The following KIF13A variants were observed in gnomAD, a reference collection of about 807,000 sequenced individuals.
KIF13A encodes kinesin-like protein KIF13A.
In KIF13A, 79 loss-of-function variants were observed where a neutral mutation model predicts 212.2. That is an observed-to-expected ratio of 0.37 (90% CI 0.31 to 0.45). The LOEUF (loss-of-function observed/expected upper bound fraction) is 0.45. KIF13A is among the 20% of genes least tolerant of loss of function. The pLI, the probability that KIF13A is intolerant of heterozygous loss-of-function variation, is 1.00. For synonymous variants in KIF13A, 789 were observed against 808.6 expected (o/e 0.98, Z 0.41); for missense variants, 1,901 against 2,209.0 (o/e 0.86, Z 2.79).
At position 17,918,443 on chromosome 6, in the gene KIF13A, T is replaced by C. The variant is rs1231334443; in HGVS notation, c.147-20263A>G. ...TACTACTACAGAAAAATGATTATTT[T>C]ATGTCTGTTAACTACTAATTTGGAG... On this transcript the variant is annotated intron_variant, in intron 2 of 38. Transcript: ENST00000259711. This position sits in a 1 kb window ranked among gnomAD's most constrained non-coding sequence, Gnocchi z 4.8. Among the ~76,000 whole-genome samples, 1 of 152,218 alleles carries C rather than the reference T, an allele frequency of 6.6e-6. No individual in the cohort carries two copies. The highest frequency in any genetic ancestry group is 1.5e-5 in the Non-Finnish European group (1 of 68,036).
chr6:17,775,753 T>A (rs149471706), intron 34 of KIF13A, among the ~76,000 whole-genome samples: 1 of 152,236 alleles, frequency 6.6e-6, no homozygotes, highest in African/African-American at 2.4e-5. Flanking sequence ...GGTCTCGCTA[T>A]GTTGCCCAGG....
chr6:17,874,554 A>G (rs1770328615), intron 3 of KIF13A, among the ~76,000 whole-genome samples: 1 of 151,978 alleles, frequency 6.6e-6, no homozygotes, highest in Admixed American at 6.6e-5. Context: ...TCCTGCCTTC[A>G]GCCTCCTGGG....
At chr6:17,775,981 C>A (rs913604215) in intron 34 of KIF13A, among the ~76,000 whole-genome samples, 1 of 152,050 alleles carries the variant, frequency 6.6e-6, no homozygotes, top group Admixed American at 6.6e-5. Context: ...TGGGTTCAAG[C>A]GATTCTCCTG....
chr6:17,985,995 A>C (rs1192389344), intron 2 of KIF13A, among the ~76,000 whole-genome samples: 1 of 152,158 alleles, frequency 6.6e-6, no homozygotes, highest in Non-Finnish European at 1.5e-5. Context: ...AATTTGGCAA[A>C]ACTGAGCTTG....
In KIF13A at chr6:17,829,529, C is replaced by A. The variant is rs1248857606; in HGVS notation, c.1402-1159G>T. ...CGTCCAATACAGTAAACACACTGCA[C>A]CTGGCCTCATGTGATTTTAAGTACC... is the stretch of plus-strand genomic sequence containing the variant. On this transcript the variant is annotated intron_variant, in intron 13 of 38. Transcript: ENST00000259711. This position sits in a 1 kb window ranked among gnomAD's most constrained non-coding sequence, Gnocchi z 5.4. 6.6e-6 allele frequency among the ~76,000 whole-genome samples: 1 copy of A among 152,140 alleles called. No individual in the cohort carries two copies. Among genetic ancestry groups the A allele is most frequent in the Admixed American group, 6.6e-5 (1 of 15,266 alleles).
rs1483131194 is a variant in KIF13A at position 17,975,546 on chromosome 6, AG to A, written c.146+11507del. Among the ~76,000 whole-genome samples the A allele has an allele frequency of 2.7e-3, 411 of 152,078 alleles. 3 individuals are homozygous for A. The highest frequency in any genetic ancestry group is 9.3e-3 in the African/African-American group (383 of 41,364). ...AACATAATTCATTGCAAAGACCAAA[AG>A]AAAAAAAAGCTTCCAGTACAGAACA... On this transcript the variant is annotated intron_variant, in intron 2 of 38. Transcript: ENST00000259711.
intron 16 of KIF13A, among the ~76,000 whole-genome samples, chr6:17,824,760 C>CAAAAAAAA (rs1234476186): frequency 2.0e-5 from 1 of 48,804 alleles, no homozygotes; most frequent in Non-Finnish European, 3.7e-5. Flanking sequence ...GACTCCGTCT[C>CAAAAAAAA]AAAAAAAAAA....
chr6:17,960,360 G>C (rs1440301483), intron 2 of KIF13A, among the ~76,000 whole-genome samples: 1 of 152,180 alleles, frequency 6.6e-6, no homozygotes, highest in East Asian at 1.9e-4. Flanking sequence ...AATGTTTGTT[G>C]ACTAAACTTA....
At chr6:17,906,214 C>G (rs980538905) in intron 2 of KIF13A, among the ~76,000 whole-genome samples, 3 of 152,144 alleles carry the variant, frequency 2.0e-5, no homozygotes, top group African/African-American at 7.2e-5. Flanking sequence ...GACATGCCAC[C>G]AAGTTTGTTT....
At chr6:17,974,994 C>G (rs1780182833) in intron 2 of KIF13A, among the ~76,000 whole-genome samples, 1 of 152,150 alleles carries the variant, frequency 6.6e-6, no homozygotes, top group Non-Finnish European at 1.5e-5. Flanking sequence ...TAGACTAGTT[C>G]TCAAAGCTTG....
chr6:17,939,469 A>G (rs535681356), intron 2 of KIF13A, among the ~76,000 whole-genome samples: 2 of 152,204 alleles, frequency 1.3e-5, no homozygotes, highest in Non-Finnish European at 2.9e-5. Context: ...GAATCTGACC[A>G]TTCTGTCGGA....
At chr6:17,823,037 CTTTT>C (rs10708452) in intron 16 of KIF13A, among the ~76,000 whole-genome samples, 1 of 145,108 alleles carries the variant, frequency 6.9e-6, no homozygotes, top group Non-Finnish European at 1.5e-5. Context: ...TGGTTCTATA[CTTTT>C]TTTTTTTTTT....
intron 4 of KIF13A, among the ~76,000 whole-genome samples, chr6:17,869,925 G>A (rs1666652043): frequency 6.6e-6 from 1 of 152,146 alleles, no homozygotes; most frequent in South Asian, 2.1e-4. Flanking sequence ...CAGGAAATAT[G>A]TGCTTCCCCT....
chr6:17,810,775 T>A (rs1763365204), intron 17 of KIF13A, among the ~76,000 whole-genome samples: 1 of 152,192 alleles, frequency 6.6e-6, no homozygotes, highest in African/African-American at 2.4e-5. Context: ...ATCTCTCGCA[T>A]GTACAGTTCA....
At chr6:17,983,105 G>A (rs146700495) in intron 2 of KIF13A, among the ~76,000 whole-genome samples, 10,877 of 150,410 alleles carry the variant, frequency 0.072, 455 homozygotes, top group Middle Eastern at 0.12. Context: ...CCCAGGAGGC[G>A]GAGGTTGCAG....
At chr6:17,909,536 GA>G (rs1210023829) in intron 2 of KIF13A, among the ~76,000 whole-genome samples, 182 of 93,962 alleles carry the variant, frequency 1.9e-3, no homozygotes, top group African/African-American at 4.7e-3. Context: ...CTCTGTCTCA[GA>G]AAAAAAAAAA....
intron 4 of KIF13A, among the ~76,000 whole-genome samples, chr6:17,868,156 C>G (rs956208660): frequency 6.6e-6 from 1 of 152,240 alleles, no homozygotes; most frequent in African/African-American, 2.4e-5. Flanking sequence ...AGTTTAGAAT[C>G]TCTCAGGCCA....
rs1057021797 is a variant in KIF13A, at chr6:17,837,155, A to G, written c.943-65T>C. 3 of 1,351,116 alleles carry G rather than the reference A, an allele frequency of 2.2e-6. No individual in the cohort carries two copies. The highest frequency in any genetic ancestry group is 2.1e-6 in the Non-Finnish European group (2 of 949,878). 83.7% of individuals were successfully genotyped at this position (1,351,116 alleles called of 1,614,324 possible). The stretch of plus-strand genomic sequence containing the variant: ...CATGGACAACACATATGATAAAAGC[A>G]CTAAATGTGTTAGGTATGACATTAT... On this transcript the variant is annotated intron_variant, in intron 10 of 38. Coordinates refer to ENST00000259711, the MANE Select transcript of KIF13A (RefSeq NM_022113.6). The surrounding 1 kb of genome is among the most constrained non-coding windows in gnomAD (Gnocchi z 5.4).
At chr6:17,861,517 T>C (rs562107520) in intron 4 of KIF13A, among the ~76,000 whole-genome samples, 1 of 152,330 alleles carries the variant, frequency 6.6e-6, no homozygotes, top group East Asian at 1.9e-4. Flanking sequence ...TTGACTTTAC[T>C]AGGCAAAACT....
Sources: gnomAD v4.1 joint callset for allele counts (sites outside exome capture counted in the v4.1 genomes callset) on GRCh38, gnomAD v4.1.1 for gene constraint, Gnocchi (gnomAD v3.1) non-coding constraint, MANE v1.5 for transcripts, NCBI Gene and HGNC (gene_info 2026-07-23, HGNC 2026-07-21) for gene names.